The following ST7L variants were observed in gnomAD, a reference collection of about 807,000 sequenced individuals.
ST7L encodes suppressor of tumorigenicity 7 protein-like.
ST7L carries 57 observed loss-of-function variants against 72.5 expected under a neutral mutation model. That is an observed-to-expected ratio of 0.79 (90% confidence interval 0.64 to 0.98). The LOEUF is 0.98. ST7L is among the 50% of genes least tolerant of loss of function. The pLI, the probability that ST7L is intolerant of heterozygous loss-of-function variation, is 0.00. For synonymous variants in ST7L, 221 were observed against 240.9 expected (o/e 0.92, Z 0.77); for missense variants, 576 against 672.2 (o/e 0.86, Z 1.58).
In ST7L at chr1:112,599,076, ATATATATAT is replaced by A. The variant is rs1666971132; in HGVS notation, c.507-999_507-991del. On this transcript the variant is annotated intron_variant, in intron 4 of 14. Transcript: ENST00000358039. ...CTCAGCCTCAAAAAAAAAAAAAAAT[ATATATATAT>A]ATATATATATATATATATATATATA... is the stretch of plus-strand genomic sequence containing the variant. 1.6e-3 allele frequency among the ~76,000 whole-genome samples: 67 copies of A among 42,734 alleles called. 6 individuals are homozygous for A. Among genetic ancestry groups the A allele is most frequent in the African/African-American group, 6.2e-3 (62 of 10,012 alleles). 28.0% of individuals were successfully genotyped at this position (42,734 alleles called of 152,430 possible). A position where few individuals can be genotyped will look rare whatever the true frequency, so the allele number is the denominator to read the frequency against.
chr1:112,535,851 T>C (rs746712958), intron 14 of ST7L, among the ~76,000 whole-genome samples: 3 of 152,184 alleles, frequency 2.0e-5, no homozygotes, highest in African/African-American at 7.2e-5. Flanking sequence ...TTGGTTCTTT[T>C]TGAAGCAGAA....
chr1:112,532,677 A>C (rs1654570075), intron 14 of ST7L, among the ~76,000 whole-genome samples: 1 of 152,132 alleles, frequency 6.6e-6, no homozygotes, highest in East Asian at 1.9e-4. Context: ...TGAATATCCT[A>C]CTCTTAATTT....
intron 9 of ST7L, among the ~76,000 whole-genome samples, chr1:112,580,418 G>A (rs1663905077): frequency 6.6e-6 from 1 of 152,194 alleles, no homozygotes; most frequent in Non-Finnish European, 1.5e-5. Context: ...TTCCCAAAGG[G>A]TTGGAATTAC....
chr1:112,562,758 TTATCC>T (rs1204626827), intron 11 of ST7L, among the ~76,000 whole-genome samples: 10 of 152,156 alleles, frequency 6.6e-5, no homozygotes, highest in Non-Finnish European at 1.5e-4. Context: ...AGGTTGGTCC[TTATCC>T]TGTAGGCAAT....
At chr1:112,593,274 G>GA (rs1301263678) in intron 5 of ST7L, among the ~76,000 whole-genome samples, 1 of 152,022 alleles carries the variant, frequency 6.6e-6, no homozygotes, top group Admixed American at 6.6e-5. Context: ...GTTGATGGGG[G>GA]AAAAATGTAT....
intron 11 of ST7L, among the ~76,000 whole-genome samples, chr1:112,574,216 C>CTT (rs749479758): frequency 4.7e-5 from 6 of 127,114 alleles, no homozygotes; most frequent in Non-Finnish European, 6.7e-5. Context: ...TGCGCCCGGA[C>CTT]TTTTTTTTTT....
chr1:112,542,188 G>GA (rs558161647), intron 13 of ST7L, 98 bp from the exon 14 acceptor site: 9 of 1,256,850 alleles, frequency 7.2e-6, no homozygotes, highest in South Asian at 3.7e-5. Context: ...AAATTAAAAA[G>GA]AAAAAAAATT....
At chr1:112,609,022 A>G (rs1215615468) in intron 3 of ST7L, among the ~76,000 whole-genome samples, 2 of 152,184 alleles carry the variant, frequency 1.3e-5, no homozygotes, top group African/African-American at 4.8e-5. Context: ...TGAAAGGAAC[A>G]ATAATCCAAA....
rs549804029 is a variant in ST7L at position 112,538,908 on chromosome 1, G to A, written c.1629+3043C>T. On this transcript the variant is annotated intron_variant, in intron 14 of 14. Transcript: ENST00000358039. ...TTAACGCTCACCAAAACCCATGAGA[G>A]GTAGTATTATTCTCATTTTACAACT... Among the ~76,000 whole-genome samples, 11 of 152,224 alleles carry A rather than the reference G, an allele frequency of 7.2e-5. No homozygotes were observed. In the South Asian group the frequency reaches 2.1e-3, roughly 29 times the overall value.
intron 11 of ST7L, among the ~76,000 whole-genome samples, chr1:112,569,450 T>C (rs370856839): frequency 6.6e-6 from 1 of 152,216 alleles, no homozygotes; most frequent in Non-Finnish European, 1.5e-5. Flanking sequence ...GCCACTATTA[T>C]ACGATTCAAT....
intron 10 of ST7L, among the ~76,000 whole-genome samples, chr1:112,578,030 C>T (rs1558008738): frequency 6.6e-6 from 1 of 151,726 alleles, no homozygotes; most frequent in Non-Finnish European, 1.5e-5. Context: ...GCTTTAGGCA[C>T]TTACCACACA....
At position 112,618,825 on chromosome 1, in the gene ST7L, A is replaced by G; in HGVS notation, c.205+84T>C. 23 of 1,513,984 alleles carry G rather than the reference A, an allele frequency of 1.5e-5. No individual in the cohort carries two copies. The South Asian group carries it at 2.7e-4, about 17-fold the overall frequency. 93.8% of individuals were successfully genotyped at this position (1,513,984 alleles called of 1,614,324 possible). A position where few individuals can be genotyped will look rare whatever the true frequency, so the allele number is the denominator to read the frequency against. The stretch of plus-strand genomic sequence containing the variant: ...GACTCCTCAGAGGCCCTCTAGGACT[A>G]CCGAGAATCTCTTGCCCTTTGGCTC... On this transcript the variant is annotated intron_variant, in intron 1 of 14. Coordinates refer to ENST00000358039, the MANE Select transcript of ST7L (RefSeq NM_017744.5).
At chr1:112,531,827 C>T (rs902208083) in intron 14 of ST7L, among the ~76,000 whole-genome samples, 1 of 152,146 alleles carries the variant, frequency 6.6e-6, no homozygotes, top group Non-Finnish European at 1.5e-5. Flanking sequence ...ACAATTAAAA[C>T]CATGTTTTAA....
At chr1:112,584,662 A>G (rs1398549845) in intron 6 of ST7L, among the ~76,000 whole-genome samples, 1 of 151,884 alleles carries the variant, frequency 6.6e-6, no homozygotes, top group Non-Finnish European at 1.5e-5. Context: ...TAATTTTTGT[A>G]TTTTTAGTAG....
chr1:112,538,495 A>C (rs1014952283), intron 14 of ST7L, among the ~76,000 whole-genome samples: 6 of 152,130 alleles, frequency 3.9e-5, no homozygotes, highest in African/African-American at 1.4e-4. Flanking sequence ...GGTGCACACC[A>C]CCACGCCTGG....
intron 14 of ST7L, among the ~76,000 whole-genome samples, chr1:112,537,456 G>A (rs1193387180): frequency 6.6e-6 from 1 of 152,182 alleles, no homozygotes; most frequent in African/African-American, 2.4e-5. Flanking sequence ...TTGCTAAGAA[G>A]AACACTTTTC....
chr1:112,537,510 T>A (rs369908014), intron 14 of ST7L, among the ~76,000 whole-genome samples: 2 of 152,190 alleles, frequency 1.3e-5, no homozygotes, highest in South Asian at 2.1e-4. Flanking sequence ...ATTGGTTCTC[T>A]AAGGAGAGGG....
intron 13 of ST7L, 141 bp from the exon 14 acceptor site, chr1:112,542,231 A>G (rs1435383726): frequency 1.3e-6 from 1 of 785,356 alleles, no homozygotes; most frequent in South Asian, 2.4e-5. Context: ...AGCAAGGTAG[A>G]AGACAGTTAT....
intron 11 of ST7L, among the ~76,000 whole-genome samples, chr1:112,569,893 A>T (rs1661761865): frequency 6.8e-6 from 1 of 146,178 alleles, no homozygotes; most frequent in African/African-American, 2.5e-5. Flanking sequence ...GGGAGGTGGA[A>T]GTTGCAGTGA....
Sources: gnomAD v4.1 joint callset for allele counts (sites outside exome capture counted in the v4.1 genomes callset) on GRCh38, gnomAD v4.1.1 for gene constraint, MANE v1.5 for transcripts, NCBI Gene and HGNC (gene_info 2026-07-23, HGNC 2026-07-21) for gene names.